Variants in LDHD observed in about 807,000 individuals in gnomAD.
LDHD encodes the protein D-lactate dehydrogenase, mitochondrial.
A neutral mutation model predicts 52.9 loss-of-function variants in LDHD; 58 were observed. The observed-to-expected ratio is 1.10, with a 90% confidence interval of 0.89 to 1.36. The LOEUF is 1.36. LDHD is among the 40% of genes most tolerant of loss of function. LDHD has a pLI of 0.00. For missense variants in LDHD, 747 were observed against 668.0 expected (o/e 1.12, Z -1.30); for synonymous variants, 350 against 288.6 (o/e 1.21, Z -2.16).
At position 75,113,311 on chromosome 16, in the gene LDHD, A is replaced by AG. The variant is rs549256509; in HGVS notation, c.1086+223dup. ...GCACCGTTCCCATGACCTGGCTCAC[A>AG]GGAAGGGCTTTTGAGGGCTTAGCAG... On this transcript the variant is annotated intron_variant, in intron 8 of 10. Transcript: ENST00000450168. Among the ~76,000 whole-genome samples the AG allele has an allele frequency of 2.0e-3, 312 of 152,278 alleles. 1 individual carries two copies. Among genetic ancestry groups the AG allele is most frequent in the African/African-American group, 7.0e-3 (291 of 41,558 alleles).
intron 3 of LDHD, 26 bp from the exon 4 acceptor site, chr16:75,114,994 C>T: frequency 6.3e-7 from 1 of 1,595,166 alleles, no homozygotes; most frequent in South Asian, 1.1e-5. Context: ...GCTAAGACCA[C>T]TGCAGACCTG....
At chr16:75,116,554 G>A in intron 1 of LDHD, 95 bp downstream of exon 1, 1 of 1,029,718 alleles carries the variant, frequency 9.7e-7, no homozygotes, top group Admixed American at 2.0e-5. Context: ...ACTTGGTGCT[G>A]GGGCGTCACA....
rs1567503377 is a variant in LDHD at position 75,114,180 on chromosome 16, C to T, written c.630-15G>A. On this transcript the variant is annotated splice_polypyrimidine_tract_variant and intron_variant, in intron 5 of 10. Coordinates refer to ENST00000450168, the MANE Select transcript of LDHD (RefSeq NM_194436.3). ...CTGCACTCTTCCTACGTCCCAGGGA[C>T]ACACAAGGTGAGTACCAGGCTGTGT... The T allele has an allele frequency of 6.2e-7, 1 of 1,611,340 alleles. No individual in the cohort carries two copies. The highest frequency in any genetic ancestry group is 1.7e-5 in the Admixed American group (1 of 60,020).
chr16:75,113,559 G>T lies in LDHD; in HGVS notation c.1062C>A (p.Ala354=). Residue 354 remains alanine, a synonymous_variant, in exon 8 of 11, where the codon GCC becomes GCA. Transcript: ENST00000450168. ...WTARHNAWYA[A]LATRPGCKGY... is the part of the protein sequence containing the mutation. ...CCTTGCAGCCTGGCCGCGTGGCCAG[G>T]GCTGCGTACCAGGCATTGTGCCGTG... is the stretch of plus-strand genomic sequence containing the variant. 2 of 1,612,336 alleles carry T rather than the reference G, an allele frequency of 1.2e-6. No individual in the cohort carries two copies. The highest frequency in any genetic ancestry group is 1.7e-6 in the Non-Finnish European group (2 of 1,179,548).
chr16:75,113,407 G>T, intron 8 of LDHD, 128 bp downstream of exon 8: 1 of 1,163,238 alleles, frequency 8.6e-7, no homozygotes, highest in Non-Finnish European at 1.2e-6. Context: ...TGTTTCTAGC[G>T]CCTGCTCAGC....
At position 75,115,596 on chromosome 16, in the gene LDHD, G is replaced by A; in HGVS notation, c.137C>T (p.Thr46Ile). 1.2e-6 allele frequency: 2 copies of A among 1,612,912 alleles called. No homozygotes were observed. The highest frequency in any genetic ancestry group is 1.7e-6 in the Non-Finnish European group (2 of 1,179,932). ...KAVVGGSHVS[T>I]AAVVREQHGR... ...GTGCTGCTCTCGGACCACCGCGGCA[G>A]TGGACACGTGGGAGCCGCCCACCAC... Residue 46 changes from threonine (T) to isoleucine (I), a missense_variant, in exon 2 of 11, where the codon ACT becomes ATT. Coordinates refer to ENST00000450168, the MANE Select transcript of LDHD (RefSeq NM_194436.3).
chr16:75,115,830 T>C (rs562764669), intron 1 of LDHD, among the ~76,000 whole-genome samples, 170 bp from the exon 2 acceptor site: 1 of 152,096 alleles, frequency 6.6e-6, no homozygotes, highest in South Asian at 2.1e-4. Context: ...AAACCCACTA[T>C]CCAGAAATGC....
Position 75,114,615 on chromosome 16 carries a change from G to GTAGCGGA in LDHD, c.533_539dup (p.Gly181ProfsTer66). The GTAGCGGA allele has an allele frequency of 6.5e-7, 1 of 1,534,152 alleles. No individual in the cohort carries two copies. The highest frequency in any genetic ancestry group is 8.7e-7 in the Non-Finnish European group (1 of 1,144,480). ...TGAGCACGTTGTCCCGCATGGTGCC[G>GTAGCGGA]TAGCGGACCGCGTTGGTCCCCGACG... On this transcript the variant is annotated frameshift_variant, in exon 5 of 11. Coordinates refer to ENST00000450168, the MANE Select transcript of LDHD (RefSeq NM_194436.3). LOFTEE classifies it high-confidence loss of function.
intron 5 of LDHD, 44 bp from the exon 6 acceptor site, chr16:75,114,209 G>T: frequency 6.2e-7 from 1 of 1,603,842 alleles, no homozygotes; most frequent in Non-Finnish European, 8.5e-7. Flanking sequence ...GCTGTGTGAT[G>T]AGGGATTTCT....
chr16:75,112,268 A>T lies in LDHD; in HGVS notation c.*88T>A. The T allele has an allele frequency of 6.9e-7, 1 of 1,454,510 alleles. No homozygotes were observed. The highest frequency in any genetic ancestry group is 2.0e-5 in the Admixed American group (1 of 49,704). 90.1% of individuals were successfully genotyped at this position (1,454,510 alleles called of 1,614,324 possible). On this transcript the variant is annotated 3_prime_UTR_variant, in exon 11 of 11. Coordinates refer to ENST00000450168, the MANE Select transcript of LDHD (RefSeq NM_194436.3). ...TGGCAGGAAGACTGCCTCAGCATCT[A>T]TTTCCTTGCAGGGGCCGTGGCATGA...
Position 75,115,592 on chromosome 16 carries a change from G to C in LDHD, c.141C>G (p.Ala47=), listed in dbSNP as rs1211472860. The part of the protein sequence containing the change: ...AVVGGSHVST[A]AVVREQHGRD... ...GCCCGTGCTGCTCTCGGACCACCGCGGCAGTGGACACGTGGGAGCCGCCCA... is the reference window on the plus strand; with the variant it reads ...GCCCGTGCTGCTCTCGGACCACCGCCGCAGTGGACACGTGGGAGCCGCCCA... The change falls in exon 2 of 11, where the codon GCC becomes GCG. Residue 47 remains alanine (A), a synonymous_variant. Transcript: ENST00000450168. 2.5e-6 allele frequency: 4 copies of C among 1,612,946 alleles called. 1 individual carries two copies. The South Asian group carries it at 3.3e-5, about 13-fold the overall frequency.
In LDHD at chr16:75,114,882, G is replaced by A; in HGVS notation, c.414C>T (p.Val138=). ...EDFSVVVEPG[V]TRKALNAHLR... ...GGTGGGCGTTGAGGGCTTTGCGGGT[G>A]ACACCTGGCTCCACCACCACAGAGA... Residue 138 remains valine (V), a synonymous_variant, in exon 4 of 11, where the codon GTC becomes GTT. Transcript: ENST00000450168. 6.2e-7 allele frequency: 1 copy of A among 1,614,032 alleles called. No individual in the cohort carries two copies. Among genetic ancestry groups the A allele is most frequent in the Non-Finnish European group, 8.5e-7 (1 of 1,179,998 alleles).
chr16:75,114,828 C>T lies in LDHD; in HGVS notation c.468G>A (p.Val156=). Reference sequence around the variant, plus strand: ...CCAGGAAAGGTTCGCGAGTCCTACCCACGGGAAACCAGAGGCCGCTGTCCC... The same window carrying T: ...CCAGGAAAGGTTCGCGAGTCCTACCTACGGGAAACCAGAGGCCGCTGTCCC... ...HLRDSGLWFP[V]DPGADASLCG... Residue 156 remains valine, a splice_region_variant and synonymous_variant, in exon 4 of 11, where the codon GTG becomes GTA. Coordinates refer to ENST00000450168, the MANE Select transcript of LDHD (RefSeq NM_194436.3). The T allele has an allele frequency of 4.3e-6, 7 of 1,612,168 alleles. No individual in the cohort carries two copies. Among genetic ancestry groups the T allele is most frequent in the Non-Finnish European group, 5.9e-6 (7 of 1,179,058 alleles).
rs1375703862 is a variant in LDHD at position 75,115,274 on chromosome 16, A to C, written c.251T>G (p.Leu84Arg). 2 of 1,613,408 alleles carry C rather than the reference A, an allele frequency of 1.2e-6. No individual in the cohort carries two copies. Among genetic ancestry groups the C allele is most frequent in the African/African-American group, 1.3e-5 (1 of 74,930 alleles). The change falls in exon 3 of 11, where the codon CTG becomes CGG. Residue 84 changes from leucine to arginine, a missense_variant. Leu to Arg is a moderately radical substitution (Grantham distance 102). Transcript: ENST00000450168. Reference sequence around the variant, plus strand: ...GATGGGCACACCTTGGCGATAGCACAGGGCTGCCAGCCGGCTGACCTGCTC... The same window carrying C: ...GATGGGCACACCTTGGCGATAGCACCGGGCTGCCAGCCGGCTGACCTGCTC... ...NVEQVSRLAA[L>R]CYRQGVPIIP...
intron 7 of LDHD, 31 bp downstream of exon 7, chr16:75,113,711 C>A: frequency 6.2e-7 from 1 of 1,613,112 alleles, no homozygotes; most frequent in South Asian, 1.1e-5. Flanking sequence ...TGAGGCAGCC[C>A]ACCCTGCTGC....
rs545419302 is a variant in LDHD at position 75,113,606 on chromosome 16, C to T, written c.1015G>A (p.Glu339Lys). The T allele has an allele frequency of 1.2e-6, 2 of 1,613,276 alleles. No individual in the cohort carries two copies. Among genetic ancestry groups the T allele is most frequent in the African/African-American group, 1.3e-5 (1 of 75,060 alleles). ...SDFSWAKEAEERSRLWTARHN... is the reference protein window; with the variant it reads ...SDFSWAKEAEKRSRLWTARHN... ...CGTGCTGTCCAAAGCCGGCTGCGCT[C>T]CTCGGCCTCCTTGGCCCAGGAGAAG... Residue 339 changes from glutamate (E) to lysine (K), a missense_variant, in exon 8 of 11, where the codon GAG (glutamate) becomes AAG (lysine). Transcript: ENST00000450168.
intron 1 of LDHD, 174 bp downstream of exon 1, chr16:75,116,475 G>A: frequency 1.8e-6 from 1 of 553,720 alleles, no homozygotes; most frequent in South Asian, 2.3e-5. Context: ...GGACTCAGCT[G>A]ATCTCACTCT....
Position 75,116,655 on chromosome 16 carries a change from C to A in LDHD, c.66G>T (p.Lys22Asn), listed in dbSNP as rs201156014. 4.4e-6 allele frequency: 7 copies of A among 1,604,644 alleles called. No individual in the cohort carries two copies. The African/African-American group carries it at 8.0e-5, about 18-fold the overall frequency. Reference sequence around the variant, plus strand: ...TTCTCTTCTCTCCCGGTACCTTTGCCTTCTGGGAGCAGTAGCCCCTCCAGG... The same window carrying A: ...TTCTCTTCTCTCCCGGTACCTTTGCATTCTGGGAGCAGTAGCCCCTCCAGG... The part of the protein sequence containing the change: ...LFPWRGYCSQ[K>N]AKGELCRDFV... The change falls in exon 1 of 11, where the codon AAG becomes AAT. Residue 22 changes from lysine (K) to asparagine (N), a missense_variant. Physicochemically the swap from Lys to Asn is moderately conservative, Grantham distance 94. Transcript: ENST00000450168.
intron 6 of LDHD, 21 bp downstream of exon 6, chr16:75,113,945 C>T (rs778712433): frequency 2.5e-6 from 4 of 1,604,986 alleles, no homozygotes; most frequent in Non-Finnish European, 3.4e-6. Context: ...CCCACCCTGA[C>T]TGCCCCCATC....
Sources: allele counts gnomAD v4.1 joint callset (sites outside exome capture counted in the v4.1 genomes callset), GRCh38; gene constraint gnomAD v4.1.1; transcripts MANE v1.5; gene names NCBI Gene and HGNC (gene_info 2026-07-23, HGNC 2026-07-21).